The following FGF13 variants were observed in gnomAD, a reference collection of about 807,000 sequenced individuals.
FGF13 encodes the protein fibroblast growth factor homologous factor 2.
A neutral mutation model predicts 19.5 loss-of-function variants in FGF13; 2 were observed. The ratio of observed to expected loss-of-function variants is 0.10; its 90% CI spans 0.04 to 0.32. The LOEUF (loss-of-function observed/expected upper bound fraction) is 0.32. FGF13 is among the 10% of genes least tolerant of loss of function. The probability of loss-of-function intolerance (pLI) is 1.00; values close to 1 mark genes in which losing one functional copy is unlikely to be tolerated. For missense variants in FGF13, 113 were observed against 192.7 expected, an observed-to-expected ratio of 0.59 and a Z score of 2.45; for synonymous variants, 72 against 76.9, an observed-to-expected ratio of 0.94 and a Z score of 0.33.
At chrX:138,681,665 G>A (rs758218288) in intron 3 of FGF13, among the ~76,000 whole-genome samples, 1 of 112,083 alleles carries the variant, frequency 8.9e-6, no homozygotes, top group Non-Finnish European at 1.9e-5. Context: ...CCTGCTAAGT[G>A]TAACCATTTC....
chrX:138,919,807 A>G (rs1246094493), intron 1 of FGF13, among the ~76,000 whole-genome samples: 2 of 110,572 alleles, frequency 1.8e-5, no homozygotes, highest in Non-Finnish European at 3.8e-5. Flanking sequence ...GAGACAACAC[A>G]TATGATAAAA....
intron 1 of FGF13, among the ~76,000 whole-genome samples, chrX:138,947,495 G>C (rs758174508): frequency 3.6e-3 from 379 of 105,575 alleles, no homozygotes; most frequent in African/African-American, 0.013. Context: ...TGATTGTGAA[G>C]AAAAAATAAA....
intron 1 of FGF13, among the ~76,000 whole-genome samples, chrX:138,734,657 T>C (rs2090259138): frequency 8.9e-6 from 1 of 111,812 alleles, no homozygotes; most frequent in Non-Finnish European, 1.9e-5. Context: ...GGTTAATTTA[T>C]ACCTCCTCGA....
At chrX:139,040,890 A>T (rs1171520669) in intron 1 of FGF13, among the ~76,000 whole-genome samples, 1 of 110,914 alleles carries the variant, frequency 9.0e-6, no homozygotes, top group Admixed American at 9.6e-5. Context: ...AAGGAACGAG[A>T]TCATGTCCTT....
At chrX:138,656,791 T>C (rs1383551920) in intron 3 of FGF13, among the ~76,000 whole-genome samples, 1 of 111,637 alleles carries the variant, frequency 9.0e-6, no homozygotes, top group Non-Finnish European at 1.9e-5. Context: ...ACTACTAAAG[T>C]GTGAAACAAA....
chrX:138,763,242 G>A (rs1337946487), intron 3 of FGF13, among the ~76,000 whole-genome samples: 1 of 110,162 alleles, frequency 9.1e-6, no homozygotes, highest in African/African-American at 3.3e-5. Flanking sequence ...CACATCTTAT[G>A]TAAATATATA....
At chrX:138,830,687 T>TTGTGAGTG (rs2091065320) in intron 3 of FGF13, among the ~76,000 whole-genome samples, 1 of 87,520 alleles carries the variant, frequency 1.1e-5, no homozygotes, top group Non-Finnish European at 2.2e-5. Flanking sequence ...AAAGGGGTGT[T>TTGTGAGTG]TGTGTGTGTG....
chrX:139,022,258 A>G (rs1043381126), intron 1 of FGF13, among the ~76,000 whole-genome samples: 7 of 111,905 alleles, frequency 6.3e-5, no homozygotes, highest in Non-Finnish European at 5.7e-5. Flanking sequence ...GAAGCACAGA[A>G]AAGACTTAAG....
chrX:138,811,146 A>G (rs1336783300), intron 3 of FGF13, among the ~76,000 whole-genome samples: 2 of 111,956 alleles, frequency 1.8e-5, no homozygotes, highest in African/African-American at 6.5e-5. Context: ...ACATGCACAC[A>G]TATGTTTATT....
At chrX:138,928,038 G>A (rs1005393717) in intron 1 of FGF13, among the ~76,000 whole-genome samples, 9 of 111,216 alleles carry the variant, frequency 8.1e-5, no homozygotes, top group African/African-American at 2.6e-4. Flanking sequence ...TAGCTACCAG[G>A]AATATTTAAT....
In FGF13 at chrX:139,013,711, T is replaced by C. The variant is rs932618184; in HGVS notation, c.-112-149061A>G. Among the ~76,000 whole-genome samples the C allele has an allele frequency of 3.7e-5, 4 of 107,016 alleles. No individual in the cohort carries two copies. The East Asian group carries it at 1.2e-3, about 32-fold the overall frequency. 92.9% of individuals were successfully genotyped at this position (107,016 alleles called of 115,157 possible). On this transcript the variant is annotated intron_variant, in intron 1 of 2. Coordinates refer to the FGF13 transcript ENST00000421460. ...GACGCAAAGGTATACAAATGACATA[T>C]TGGACTTTGGGGACTTGGGAAAGGG...
chrX:139,045,403 T>A (rs1052146401), intron 1 of FGF13, among the ~76,000 whole-genome samples: 1 of 112,397 alleles, frequency 8.9e-6, no homozygotes, highest in Non-Finnish European at 1.9e-5. Flanking sequence ...TTGGATATTA[T>A]CACTTGGTTC....
rs182343299 is a variant in FGF13, at chrX:139,027,109, C to A, written c.-112-162459G>T. On this transcript the variant is annotated intron_variant, in intron 1 of 2. Coordinates refer to the FGF13 transcript ENST00000421460. Reference sequence around the variant, plus strand: ...GCCCAAGGCAATCACAAATTTAGCACACATTACACATATCCATTGCATCTC... The same window carrying A: ...GCCCAAGGCAATCACAAATTTAGCAAACATTACACATATCCATTGCATCTC... Among the ~76,000 whole-genome samples, 4 of 112,095 alleles carry A rather than the reference C, an allele frequency of 3.6e-5. No homozygotes were observed. The East Asian group carries it at 1.1e-3, about 32-fold the overall frequency.
chrX:139,031,212 C>CA (rs67703366), intron 1 of FGF13, among the ~76,000 whole-genome samples: 13,594 of 109,480 alleles, frequency 0.12, 755 homozygotes, highest in African/African-American at 0.17. Context: ...GATTTTGAGG[C>CA]AAAAAAATAA....
rs1324706649 is a variant in FGF13, at chrX:138,623,770, C to T, written c.*9080G>A. ...CCAGCCTGGGTGACAGAGCAAGACT[C>T]CATCTCAAAAACAAACAAACAAACA... On this transcript the variant is annotated 3_prime_UTR_variant, in exon 5 of 5. Coordinates refer to ENST00000315930, the MANE Select transcript of FGF13 (RefSeq NM_004114.5). The T allele has an allele frequency of 1.8e-5, 2 of 110,926 alleles. No homozygotes were observed. Among genetic ancestry groups the T allele is most frequent in the Admixed American group, 1.9e-4 (2 of 10,359 alleles). 9.1% of individuals were successfully genotyped at this position (110,926 alleles called of 1,213,427 possible).
chrX:139,171,726 G>A (rs761475109), intron 1 of FGF13, among the ~76,000 whole-genome samples: 1 of 112,447 alleles, frequency 8.9e-6, no homozygotes, highest in East Asian at 2.8e-4. Flanking sequence ...AGCTTCCTGA[G>A]TAGGCCTGAG....
chrX:139,178,124 G>A (rs1249055467), intron 1 of FGF13, among the ~76,000 whole-genome samples: 3 of 112,268 alleles, frequency 2.7e-5, no homozygotes, highest in Non-Finnish European at 5.6e-5. Context: ...CGTTGATCTC[G>A]CTGGGAGCTG....
At chrX:138,714,996 C>A (rs1197728386), upstream of FGF13, among the ~76,000 whole-genome samples, 1 of 111,611 alleles carries the variant, frequency 9.0e-6, no homozygotes, top group Non-Finnish European at 1.9e-5. Flanking sequence ...CACATTGTGG[C>A]CTTGCTATGG....
intron 3 of FGF13, among the ~76,000 whole-genome samples, chrX:138,671,134 T>C (rs1213123969): frequency 1.8e-5 from 2 of 111,311 alleles, no homozygotes; most frequent in Non-Finnish European, 3.8e-5. Context: ...TTAGTGGAAA[T>C]AAATGTATAT....
Sources: gnomAD v4.1 joint callset for allele counts (sites outside exome capture counted in the v4.1 genomes callset) on GRCh38, gnomAD v4.1.1 for gene constraint, MANE v1.5 for transcripts, NCBI Gene and HGNC (gene_info 2026-07-23, HGNC 2026-07-21) for gene names.